The following EDA variants were observed in gnomAD, a reference collection of about 807,000 sequenced individuals.
EDA encodes the protein ectodysplasin A.
Under a neutral mutation model 23.6 loss-of-function variants are expected in EDA, and 2 were observed. The observed-to-expected ratio is 0.08, with a 90% CI of 0.03 to 0.27. The LOEUF is 0.27. Ranked by LOEUF, EDA falls within the 10% of genes least tolerant of loss-of-function variation. EDA has a pLI of 1.00. For missense variants in EDA, 229 were observed against 324.2 expected (o/e 0.71, Z 2.26); for synonymous variants, 131 against 132.0 (o/e 0.99, Z 0.05).
intron 1 of EDA, among the ~76,000 whole-genome samples, chrX:69,716,630 G>A (rs2012347847): frequency 9.0e-6 from 1 of 110,955 alleles, no homozygotes; most frequent in Non-Finnish European, 1.9e-5. Flanking sequence ...AGTTTGATAG[G>A]AATAGCATTG....
rs1252167478 is a variant in EDA at position 69,980,650 on chromosome X, G to C, written c.502+23518G>C. Among the ~76,000 whole-genome samples the C allele has an allele frequency of 8.9e-5, 10 of 112,187 alleles. No individual in the cohort carries two copies. In the East Asian group the frequency reaches 2.2e-3, roughly 25 times the overall value. On this transcript the variant is annotated intron_variant, in intron 2 of 7. Coordinates refer to ENST00000374552, the MANE Select transcript of EDA (RefSeq NM_001399.5). ...ACTTATTCTAGACTAAATAAGCCAA[G>C]TGCTGTAATAAAGATCTCAAGCTAT...
intron 1 of EDA, among the ~76,000 whole-genome samples, chrX:69,913,347 G>A (rs1251932677): frequency 8.9e-6 from 1 of 112,437 alleles, no homozygotes; most frequent in Non-Finnish European, 1.9e-5. Context: ...ACCTGCTGCA[G>A]CATCTATGTC....
intron 2 of EDA, among the ~76,000 whole-genome samples, chrX:70,016,725 A>G (rs1371268842): frequency 2.7e-5 from 3 of 111,894 alleles, no homozygotes; most frequent in Non-Finnish European, 5.6e-5. Context: ...CTGCTAAAGC[A>G]GTGCTAAGTA....
intron 1 of EDA, among the ~76,000 whole-genome samples, chrX:69,684,199 G>T (rs770837769): frequency 9.0e-6 from 1 of 111,277 alleles, no homozygotes; most frequent in East Asian, 2.8e-4. Flanking sequence ...ATATTTCCTC[G>T]CCAACAGCTG....
At chrX:69,694,086 A>G (rs1193312640) in intron 1 of EDA, among the ~76,000 whole-genome samples, 1 of 112,122 alleles carries the variant, frequency 8.9e-6, no homozygotes, top group Non-Finnish European at 1.9e-5. Context: ...TTTTTTCATA[A>G]TTGGCATAAT....
chrX:69,906,931 C>T (rs1938026), intron 1 of EDA, among the ~76,000 whole-genome samples: 22,888 of 111,402 alleles, frequency 0.21, 1,766 homozygotes, highest in African/African-American at 0.24. Flanking sequence ...AAAATTGTTG[C>T]CTTGATGACA....
rs770397072 is a variant in EDA at position 69,616,596 on chromosome X, C to G, written c.288C>G (p.Leu96=). The change falls in exon 1 of 8, where the codon CTC becomes CTG. Residue 96 remains leucine (L), a synonymous_variant. Coordinates refer to ENST00000374552, the MANE Select transcript of EDA (RefSeq NM_001399.5). ...TSGTLSSLGG[L]DPDSPITSHL... ...GCACCCTAAGCAGCCTCGGTGGCCTCGACCCTGACAGCCCCATCACCAGTC... is the reference window on the plus strand; with the variant it reads ...GCACCCTAAGCAGCCTCGGTGGCCTGGACCCTGACAGCCCCATCACCAGTC... 1.2e-5 allele frequency: 15 copies of G among 1,211,719 alleles called. No individual in the cohort carries two copies. Among genetic ancestry groups the G allele is most frequent in the African/African-American group, 1.7e-5 (1 of 57,848 alleles).
intron 1 of EDA, among the ~76,000 whole-genome samples, chrX:69,649,309 G>A (rs1238253457): frequency 8.9e-6 from 1 of 112,043 alleles, no homozygotes; most frequent in African/African-American, 3.2e-5. Context: ...TAAATGTGAA[G>A]CATCTAAATG....
chrX:69,675,749 C>T (rs1934060427), intron 1 of EDA, among the ~76,000 whole-genome samples: 1 of 111,057 alleles, frequency 9.0e-6, no homozygotes, highest in African/African-American at 3.3e-5. Context: ...GACACACAAG[C>T]AGATAAGTAA....
chrX:69,869,645 T>C (rs2017536160), intron 1 of EDA, among the ~76,000 whole-genome samples: 1 of 111,461 alleles, frequency 9.0e-6, no homozygotes, highest in African/African-American at 3.3e-5. Flanking sequence ...TAAGTAGGAA[T>C]GCAGTAGGCT....
intron 1 of EDA, among the ~76,000 whole-genome samples, chrX:69,696,381 T>A (rs914612876): frequency 8.9e-6 from 1 of 112,102 alleles, no homozygotes. Context: ...CCTTCTCATC[T>A]TAGCTTGATC....
chrX:69,746,944 G>T (rs919123409), intron 1 of EDA, among the ~76,000 whole-genome samples: 1 of 111,031 alleles, frequency 9.0e-6, no homozygotes, highest in Non-Finnish European at 1.9e-5. Flanking sequence ...TCATTAAGAG[G>T]TTTAACACTC....
At chrX:69,824,470 G>A (rs1484780005) in intron 1 of EDA, among the ~76,000 whole-genome samples, 1 of 110,634 alleles carries the variant, frequency 9.0e-6, no homozygotes, top group African/African-American at 3.3e-5. Flanking sequence ...ATTGTGAATG[G>A]GAGTTCTCTC....
chrX:69,653,879 C>G (rs1933194603), intron 1 of EDA, among the ~76,000 whole-genome samples: 1 of 111,792 alleles, frequency 8.9e-6, no homozygotes, highest in African/African-American at 3.3e-5. Context: ...CCATTCAGGA[C>G]ATAGGCATGG....
chrX:69,846,819 C>T (rs971578290), intron 1 of EDA, among the ~76,000 whole-genome samples: 25 of 111,631 alleles, frequency 2.2e-4, no homozygotes, highest in South Asian at 1.1e-3. Context: ...TTGACTCCTT[C>T]GGTGTACTAA....
At chrX:69,667,238 G>A (rs1191710665) in intron 1 of EDA, among the ~76,000 whole-genome samples, 1 of 105,005 alleles carries the variant, frequency 9.5e-6, no homozygotes, top group African/African-American at 3.5e-5. Context: ...TCAGCCTCCT[G>A]AGTAGCTGAG....
chrX:69,815,872 C>G (rs150365862), intron 1 of EDA, among the ~76,000 whole-genome samples: 68 of 112,490 alleles, frequency 6.0e-4, no homozygotes, highest in African/African-American at 2.1e-3. Flanking sequence ...TGATCCAGTT[C>G]CTCCTGACTG....
chrX:69,863,510 T>C (rs1227039689), intron 1 of EDA, among the ~76,000 whole-genome samples: 29 of 33,523 alleles, frequency 8.7e-4, no homozygotes, highest in Non-Finnish European at 1.9e-3. Flanking sequence ...TATATACATA[T>C]ATATGTATAT....
intron 1 of EDA, among the ~76,000 whole-genome samples, chrX:69,926,283 T>G (rs1023357811): frequency 9.0e-6 from 1 of 111,693 alleles, no homozygotes; most frequent in Non-Finnish European, 1.9e-5. Flanking sequence ...AGCTTTCTGA[T>G]GTTGGCATTT....
Sources: gnomAD v4.1 joint callset for allele counts (sites outside exome capture counted in the v4.1 genomes callset) on GRCh38, gnomAD v4.1.1 for gene constraint, MANE v1.5 for transcripts, NCBI Gene and HGNC (gene_info 2026-07-23, HGNC 2026-07-21) for gene names.